Variants in EZR observed in about 807,000 individuals in gnomAD.
The protein encoded by EZR is ezrin.
Under a neutral mutation model 74.8 loss-of-function variants are expected in EZR, and 40 were observed. That is an observed-to-expected ratio of 0.53 (90% CI 0.42 to 0.70). The LOEUF (loss-of-function observed/expected upper bound fraction) is 0.70, where lower values mean the gene tolerates loss of function less well. Among genes scored for constraint, EZR ranks in the 30% least tolerant of loss-of-function variants. The pLI, the probability that EZR is intolerant of heterozygous loss-of-function variation, is 0.00. For missense variants in EZR, 678 were observed against 755.8 expected (o/e 0.90, Z 1.21); for synonymous variants, 341 against 283.3 (o/e 1.20, Z -2.05).
At chr6:158,804,067 G>A (rs1777275905) in intron 2 of EZR, among the ~76,000 whole-genome samples, 1 of 152,120 alleles carries the variant, frequency 6.6e-6, no homozygotes, top group South Asian at 2.1e-4. Flanking sequence ...TTCCAAGCCT[G>A]CACTGCCGAG....
intron 2 of EZR, among the ~76,000 whole-genome samples, chr6:158,800,188 A>C (rs139180512): frequency 6.6e-6 from 1 of 152,328 alleles, no homozygotes; most frequent in African/African-American, 2.4e-5. Flanking sequence ...TTAGAGAAGT[A>C]AAATAGCAAG....
At position 158,785,402 on chromosome 6, in the gene EZR, A is replaced by G. The variant is rs765797550; in HGVS notation, c.374T>C (p.Leu125Ser). ...CTTGGCCTGCACAGCGTAGGACCCC[A>G]AGAGCACGGCAGTCTCAGGGGGGCA... ...IYCPPETAVL[L>S]GSYAVQAKFG... Residue 125 changes from leucine to serine, a missense_variant, in exon 5 of 14, where the codon TTG becomes TCG. Physicochemically the swap from Leu to Ser is moderately radical, Grantham distance 145. Around this residue, in one of 3 missense-constraint regions of EZR, gnomAD observed 217 missense variants for 232.2 expected, o/e 0.93. Transcript: ENST00000367075. The G allele has an allele frequency of 6.2e-7, 1 of 1,614,226 alleles. No homozygotes were observed.
intron 12 of EZR, among the ~76,000 whole-genome samples, chr6:158,768,926 T>C (rs888679832): frequency 9.9e-5 from 15 of 152,214 alleles, no homozygotes; most frequent in African/African-American, 3.4e-4. Flanking sequence ...ATATACTAGC[T>C]GCAGGAGGTC....
At chr6:158,808,779 T>C (rs778577556) in intron 2 of EZR, among the ~76,000 whole-genome samples, 1 of 152,190 alleles carries the variant, frequency 6.6e-6, no homozygotes, top group Non-Finnish European at 1.5e-5. Flanking sequence ...CTATTTATCC[T>C]GCCAATAAAC....
chr6:158,769,796 G>A lies in EZR; in HGVS notation c.1239C>T (p.Ser413=), dbSNP rs145874025. The change falls in exon 11 of 14, where the codon AGC becomes AGT. Residue 413 remains serine, a synonymous_variant. Transcript: ENST00000367075. ...AGGCCATTCCTACCAGCTGCTCCTG[G>A]CTCTTTATCTGATCCACCGCCTGTC... ...LERQAVDQIK[S]QEQLAAELAE... is the part of the protein sequence containing the mutation. The A allele has an allele frequency of 5.0e-6, 8 of 1,613,650 alleles. No homozygotes were observed. Among genetic ancestry groups the A allele is most frequent in the South Asian group, 1.1e-5 (1 of 91,080 alleles).
chr6:158,795,421 TA>T (rs35321394), intron 2 of EZR, among the ~76,000 whole-genome samples: 48 of 149,248 alleles, frequency 3.2e-4, no homozygotes, highest in African/African-American at 8.1e-4. Context: ...TTTAAAAACG[TA>T]AAAAAAAAAA....
intron 2 of EZR, among the ~76,000 whole-genome samples, chr6:158,805,320 C>CAA (rs71770124): frequency 0.13 from 17,641 of 135,722 alleles, 1,208 homozygotes; most frequent in African/African-American, 0.15. Flanking sequence ...AGCCTGGTGA[C>CAA]AGAGACTCCA....
intron 2 of EZR, among the ~76,000 whole-genome samples, chr6:158,803,606 C>T (rs6935806): frequency 0.013 from 462 of 35,714 alleles, 27 homozygotes; most frequent in South Asian, 0.031. Flanking sequence ...TATATATATA[C>T]ATATATATAT....
At chr6:158,767,956 G>A (rs1420792799) in intron 12 of EZR, among the ~76,000 whole-genome samples, 1 of 151,870 alleles carries the variant, frequency 6.6e-6, no homozygotes, top group Admixed American at 6.6e-5. Flanking sequence ...TGAGCTTAGT[G>A]TGGATCTGCT....
In EZR at chr6:158,766,022, A is replaced by G. The variant is rs376924518; in HGVS notation, c.*892T>C. 1 of 152,778 alleles carries G rather than the reference A, an allele frequency of 6.5e-6. No individual in the cohort carries two copies. Among genetic ancestry groups the G allele is most frequent in the African/African-American group, 2.4e-5 (1 of 41,572 alleles). 9.5% of individuals were successfully genotyped at this position (152,778 alleles called of 1,614,324 possible). ...ATTAAAAGTGTGCATAGTCCATTAC[A>G]TGCATAAAACACTAATAATAATCCT... On this transcript the variant is annotated 3_prime_UTR_variant, in exon 14 of 14. Transcript: ENST00000367075.
rs1291545966 is a variant in EZR at position 158,802,017 on chromosome 6, A to G, written c.13-12646T>C. On this transcript the variant is annotated intron_variant, in intron 2 of 13. Transcript: ENST00000367075. The stretch of plus-strand genomic sequence containing the variant: ...CACACATGGATTGATAATGACAGTT[A>G]ATGGAATGACTTAGTTGCCTGTAGG... Among the ~76,000 whole-genome samples, 5 of 152,350 alleles carry G rather than the reference A, an allele frequency of 3.3e-5. No homozygotes were observed. The South Asian group carries it at 8.3e-4, about 25-fold the overall frequency.
chr6:158,796,784 A>G (rs1315405865), intron 2 of EZR, among the ~76,000 whole-genome samples: 3 of 152,242 alleles, frequency 2.0e-5, no homozygotes, highest in African/African-American at 2.4e-5. Flanking sequence ...ACGGGGCCAC[A>G]GTCTCCACTT....
At chr6:158,807,183 C>CT (rs1297675425) in intron 2 of EZR, among the ~76,000 whole-genome samples, 1 of 152,050 alleles carries the variant, frequency 6.6e-6, no homozygotes, top group Admixed American at 6.6e-5. Flanking sequence ...AGTGTGATGG[C>CT]TGGCGCCTGT....
chr6:158,791,597 T>C (rs1791747641), intron 2 of EZR, among the ~76,000 whole-genome samples: 1 of 152,020 alleles, frequency 6.6e-6, no homozygotes, highest in Non-Finnish European at 1.5e-5. Context: ...TTCTCTGCTA[T>C]CTACTGGTTC....
chr6:158,816,728 C>CT (rs1169779612), intron 2 of EZR, among the ~76,000 whole-genome samples: 1 of 143,614 alleles, frequency 7.0e-6, no homozygotes, highest in Non-Finnish European at 1.5e-5. Context: ...CATATTAATT[C>CT]TTTATCCTAA....
At chr6:158,783,481 C>A (rs781698282) in intron 7 of EZR, 39 bp downstream of exon 7, 2 of 1,570,922 alleles carry the variant, frequency 1.3e-6, no homozygotes, top group Non-Finnish European at 1.7e-6. Context: ...CCAGGCCCAC[C>A]ACCCTACCTA....
Position 158,784,624 on chromosome 6 carries a change from C to T in EZR, c.551+20G>A. On this transcript the variant is annotated intron_variant, in intron 6 of 13. Transcript: ENST00000367075. ...GCGCACGGAGATGGCAAGATCCCAA[C>T]AGCAGGGCACAGCACTCACTTGAGC... is the stretch of plus-strand genomic sequence containing the variant. The T allele has an allele frequency of 6.2e-7, 1 of 1,610,110 alleles. No homozygotes were observed. Among genetic ancestry groups the T allele is most frequent in the East Asian group, 2.2e-5 (1 of 44,882 alleles).
chr6:158,766,904 G>C lies in EZR; in HGVS notation c.*10C>G. 1 of 1,613,592 alleles carries C rather than the reference G, an allele frequency of 6.2e-7. No individual in the cohort carries two copies. The highest frequency in any genetic ancestry group is 1.7e-4 in the Middle Eastern group (1 of 6,014). The stretch of plus-strand genomic sequence containing the variant: ...TGAGCACCCCTCTGCCCTTGGTCCT[G>C]GCCTGGCTGTTACAGGGCCTCGAAC... On this transcript the variant is annotated 3_prime_UTR_variant, in exon 14 of 14. Coordinates refer to ENST00000367075, the MANE Select transcript of EZR (RefSeq NM_001111077.2).
At chr6:158,788,600 T>C (rs985845071) in intron 3 of EZR, 1 of 151,364 alleles carries the variant, frequency 6.6e-6, no homozygotes, top group Non-Finnish European at 1.5e-5. Context: ...TGAGCTGAGA[T>C]TGCACCATTG....
Sources: allele counts gnomAD v4.1 joint callset (sites outside exome capture counted in the v4.1 genomes callset), GRCh38; gene constraint gnomAD v4.1.1; regional missense constraint gnomAD v4.1.1; transcripts MANE v1.5; gene names NCBI Gene and HGNC (gene_info 2026-07-23, HGNC 2026-07-21).